LAPTM4B: variants seen among roughly 807,000 people sequenced by gnomAD.
LAPTM4B encodes lysosomal-associated transmembrane protein 4B.
Under a neutral mutation model 28.5 loss-of-function variants are expected in LAPTM4B, and 26 were observed. That is an observed-to-expected ratio of 0.91 (90% CI 0.67 to 1.27). The LOEUF (loss-of-function observed/expected upper bound fraction) is 1.27, where lower values mean the gene tolerates loss of function less well. Among genes scored for constraint, LAPTM4B ranks in the 50% most tolerant of loss-of-function variants. The pLI, the probability that LAPTM4B is intolerant of heterozygous loss-of-function variation, is 0.00. For missense variants in LAPTM4B, 288 were observed against 285.8 expected, an observed-to-expected ratio of 1.01 and a Z score of -0.06; for synonymous variants, 109 against 106.4, an observed-to-expected ratio of 1.02 and a Z score of -0.15.
rs183621964 is a variant in LAPTM4B, at chr8:97,798,599, G to A, written c.100-6754G>A. On this transcript the variant is annotated intron_variant, in intron 1 of 6. Transcript: ENST00000521545. ...ACACAGGGCTAGAGGTAGAGTGGGT[G>A]ATAATAGTTACTGCAGCATTTATGA... Among the ~76,000 whole-genome samples, 5 of 152,198 alleles carry A rather than the reference G, an allele frequency of 3.3e-5. No individual in the cohort carries two copies. In the East Asian group the frequency reaches 7.7e-4, roughly 24 times the overall value.
At chr8:97,815,763 T>G (rs905242744) in intron 3 of LAPTM4B, among the ~76,000 whole-genome samples, 1 of 152,118 alleles carries the variant, frequency 6.6e-6, no homozygotes, top group African/African-American at 2.4e-5. Flanking sequence ...AGACGTGATT[T>G]CACCATGTTG....
At chr8:97,808,779 C>T (rs757810405) in intron 2 of LAPTM4B, among the ~76,000 whole-genome samples, 2 of 151,860 alleles carry the variant, frequency 1.3e-5, no homozygotes, top group Non-Finnish European at 2.9e-5. Context: ...GCCAACATGG[C>T]AAAACCCTGT....
At chr8:97,790,804 G>A (rs1277488786) in intron 1 of LAPTM4B, among the ~76,000 whole-genome samples, 2 of 152,058 alleles carry the variant, frequency 1.3e-5, no homozygotes, top group Admixed American at 1.3e-4. Flanking sequence ...CAGTGGCACA[G>A]TCTTGGCTCA....
chr8:97,823,444 G>A (rs1254984487), intron 5 of LAPTM4B, among the ~76,000 whole-genome samples: 2 of 149,548 alleles, frequency 1.3e-5, no homozygotes, highest in Admixed American at 6.8e-5. Context: ...GCGCAATCTC[G>A]GCTCACTGCA....
In LAPTM4B at chr8:97,843,379, A is replaced by G. The variant is rs921767525; in HGVS notation, c.604-8018A>G. Among the ~76,000 whole-genome samples, 199 of 152,220 alleles carry G rather than the reference A, an allele frequency of 1.3e-3. 1 individual carries two copies. Among genetic ancestry groups the G allele is most frequent in the African/African-American group, 4.6e-3 (191 of 41,554 alleles). ...GGGGCAGAGATTGCAGTGAGCCAAG[A>G]TTGCGCCATTGGACTGAGACTCCGT... On this transcript the variant is annotated intron_variant, in intron 6 of 6. Transcript: ENST00000521545.
intron 6 of LAPTM4B, among the ~76,000 whole-genome samples, chr8:97,847,648 G>A (rs1817452311): frequency 6.6e-6 from 1 of 152,286 alleles, no homozygotes; most frequent in East Asian, 1.9e-4. Context: ...GCAAGTGTTT[G>A]TAGTGAATAT....
intron 1 of LAPTM4B, among the ~76,000 whole-genome samples, chr8:97,795,929 A>ATCACACCTCCCC (rs1816574268): frequency 6.6e-6 from 1 of 151,476 alleles, no homozygotes; most frequent in East Asian, 1.9e-4. Context: ...GTTCATTTCC[A>ATCACACCTCCCC]ATCACACCTC....
chr8:97,790,736 C>T (rs1434856803), intron 1 of LAPTM4B, among the ~76,000 whole-genome samples: 2 of 152,068 alleles, frequency 1.3e-5, no homozygotes, highest in Non-Finnish European at 2.9e-5. Flanking sequence ...TGAGCCACTG[C>T]GCCCAGCTGG....
At chr8:97,819,637 A>G (rs957293496) in intron 5 of LAPTM4B, among the ~76,000 whole-genome samples, 1 of 151,764 alleles carries the variant, frequency 6.6e-6, no homozygotes, top group Admixed American at 6.6e-5. Flanking sequence ...ATGAGCATTG[A>G]GACATTTTTT....
Position 97,852,956 on chromosome 8 carries a change from C to G in LAPTM4B, c.*1482C>G. ...ATTGGTGTGGGGGAAAAAAGCCAAACAGAAGTAGAAAAAGGTGTAGCCGGC... is the reference window on the plus strand; with the variant it reads ...ATTGGTGTGGGGGAAAAAAGCCAAAGAGAAGTAGAAAAAGGTGTAGCCGGC... On this transcript the variant is annotated 3_prime_UTR_variant, in exon 7 of 7. Transcript: ENST00000521545. The G allele has an allele frequency of 1.9e-6, 1 of 512,880 alleles. No homozygotes were observed. The highest frequency in any genetic ancestry group is 3.3e-6 in the Non-Finnish European group (1 of 301,882). The allele number at this position is 512,880 out of a possible 1,614,324, so 31.8% of individuals were successfully genotyped here.
intron 6 of LAPTM4B, among the ~76,000 whole-genome samples, chr8:97,843,274 A>G (rs768385411): frequency 6.6e-6 from 1 of 152,114 alleles, no homozygotes; most frequent in Non-Finnish European, 1.5e-5. Flanking sequence ...TAAAATACAA[A>G]AAATTAGCTG....
intron 1 of LAPTM4B, among the ~76,000 whole-genome samples, chr8:97,786,835 G>A (rs1184774052): frequency 6.6e-6 from 1 of 152,148 alleles, no homozygotes; most frequent in Non-Finnish European, 1.5e-5. Flanking sequence ...AACAGTAGTG[G>A]GCCTGGGGGT....
At chr8:97,809,235 A>C (rs909261842) in intron 2 of LAPTM4B, among the ~76,000 whole-genome samples, 1 of 152,234 alleles carries the variant, frequency 6.6e-6, no homozygotes, top group Non-Finnish European at 1.5e-5. Context: ...ATTATCATTT[A>C]CAACTTCTTT....
At chr8:97,839,593 C>T (rs1817314416) in intron 6 of LAPTM4B, among the ~76,000 whole-genome samples, 1 of 152,198 alleles carries the variant, frequency 6.6e-6, no homozygotes, top group Non-Finnish European at 1.5e-5. Context: ...GAGAAGACTA[C>T]ACGAGCACTT....
chr8:97,783,777 G>C (rs890620201), intron 1 of LAPTM4B, among the ~76,000 whole-genome samples: 1 of 152,120 alleles, frequency 6.6e-6, no homozygotes, highest in African/African-American at 2.4e-5. Flanking sequence ...GTTTTGCCGT[G>C]ATCTAAACCC....
intron 1 of LAPTM4B, among the ~76,000 whole-genome samples, chr8:97,803,208 A>G (rs985567640): frequency 5.4e-5 from 8 of 149,330 alleles, no homozygotes; most frequent in Admixed American, 1.3e-4. Flanking sequence ...CAAAAAAAAA[A>G]GAAAAAAAGT....
chr8:97,790,598 C>T lies in LAPTM4B; in HGVS notation c.99+14490C>T, dbSNP rs371043769. Among the ~76,000 whole-genome samples the T allele has an allele frequency of 5.3e-5, 8 of 152,010 alleles. No homozygotes were observed. The South Asian group carries it at 1.0e-3, about 20-fold the overall frequency. On this transcript the variant is annotated intron_variant, in intron 1 of 6. Transcript: ENST00000521545. The stretch of plus-strand genomic sequence containing the variant: ...GTGCTGGGATCCAGGCATGAGCCAC[C>T]GTGCCTGGCCTTAATTTTTGTATTT...
intron 1 of LAPTM4B, among the ~76,000 whole-genome samples, chr8:97,776,639 G>C (rs1472167326): frequency 1.3e-5 from 2 of 152,122 alleles, no homozygotes; most frequent in African/African-American, 2.4e-5. Context: ...TCGCACGTTC[G>C]GATCCCGAGT....
chr8:97,838,466 A>G (rs554983344), intron 6 of LAPTM4B, among the ~76,000 whole-genome samples: 2 of 152,362 alleles, frequency 1.3e-5, no homozygotes, highest in African/African-American at 4.8e-5. Context: ...GATTAACTCA[A>G]TCACACAAGA....
Sources: gnomAD v4.1 joint callset for allele counts (sites outside exome capture counted in the v4.1 genomes callset) on GRCh38, gnomAD v4.1.1 for gene constraint, MANE v1.5 for transcripts, NCBI Gene and HGNC (gene_info 2026-07-23, HGNC 2026-07-21) for gene names.